The following EPHA3 variants were observed in gnomAD, a reference collection of about 807,000 sequenced individuals.
The protein encoded by EPHA3 is EPH receptor A3.
In EPHA3, 42 loss-of-function variants were observed where a neutral mutation model predicts 107.1. The observed-to-expected ratio is 0.39, with a 90% CI of 0.31 to 0.51. The LOEUF is 0.51. Ranked by LOEUF, EPHA3 falls within the 20% of genes least tolerant of loss-of-function variation. The pLI is 0.78. For missense variants in EPHA3, 1,183 were observed against 1,211.2 expected, an observed-to-expected ratio of 0.98 and a Z score of 0.35; for synonymous variants, 461 against 424.8, an observed-to-expected ratio of 1.09 and a Z score of -1.05.
intron 2 of EPHA3, among the ~76,000 whole-genome samples, chr3:89,134,718 C>T (rs1704277371): frequency 6.6e-6 from 1 of 152,112 alleles, no homozygotes; most frequent in South Asian, 2.1e-4. Context: ...GCCCTTGTCT[C>T]CTGTGCAAAA....
At chr3:89,241,936 C>T (rs1576258279) in intron 3 of EPHA3, among the ~76,000 whole-genome samples, 1 of 152,248 alleles carries the variant, frequency 6.6e-6, no homozygotes, top group East Asian at 1.9e-4. Flanking sequence ...ATTTATAAAA[C>T]CTCAAGCCTT....
intron 3 of EPHA3, among the ~76,000 whole-genome samples, chr3:89,293,721 T>C (rs1460643171): frequency 1.3e-5 from 2 of 152,176 alleles, no homozygotes; most frequent in African/African-American, 4.8e-5. Flanking sequence ...GTGCCTTGCT[T>C]TTCCTTCGTC....
intron 3 of EPHA3, among the ~76,000 whole-genome samples, chr3:89,278,419 A>G (rs1167299435): frequency 6.6e-6 from 1 of 152,124 alleles, no homozygotes; most frequent in East Asian, 1.9e-4. Context: ...TACTAACTTC[A>G]TTAAATGAAA....
At chr3:89,169,118 T>C (rs1358476905) in intron 2 of EPHA3, among the ~76,000 whole-genome samples, 1 of 152,168 alleles carries the variant, frequency 6.6e-6, no homozygotes, top group Non-Finnish European at 1.5e-5. Context: ...CCCATTTAGG[T>C]CACCTGAGTG....
intron 5 of EPHA3, among the ~76,000 whole-genome samples, chr3:89,342,896 A>ACACAC (rs1559654817): frequency 2.3e-5 from 3 of 130,624 alleles, no homozygotes; most frequent in African/African-American, 9.5e-5. Flanking sequence ...CACACACACA[A>ACACAC]ACATTGGAGC....
chr3:89,476,164 T>A (rs1710502642), intron 16 of EPHA3, among the ~76,000 whole-genome samples: 1 of 147,640 alleles, frequency 6.8e-6, no homozygotes, highest in Admixed American at 6.8e-5. Context: ...AATGTTTATA[T>A]ATTGTAGATA....
intron 16 of EPHA3, among the ~76,000 whole-genome samples, chr3:89,475,281 T>C (rs973716517): frequency 2.6e-4 from 40 of 152,216 alleles, no homozygotes; most frequent in African/African-American, 9.6e-4. Flanking sequence ...TTGAATTTGA[T>C]TGCTTTCAGT....
intron 5 of EPHA3, among the ~76,000 whole-genome samples, chr3:89,368,648 C>T (rs1206573417): frequency 6.7e-6 from 1 of 150,140 alleles, no homozygotes; most frequent in Non-Finnish European, 1.5e-5. Flanking sequence ...GATAGATTTC[C>T]CAGCTCATGA....
intron 15 of EPHA3, among the ~76,000 whole-genome samples, chr3:89,459,957 A>AT (rs1298796216): frequency 1.3e-5 from 2 of 152,238 alleles, no homozygotes; most frequent in African/African-American, 4.8e-5. Flanking sequence ...ATACACATTT[A>AT]TTTTTTAAAA....
chr3:89,312,836 T>G, intron 3 of EPHA3, among the ~76,000 whole-genome samples: 1 of 152,020 alleles, frequency 6.6e-6, no homozygotes, highest in Non-Finnish European at 1.5e-5. Context: ...ATATGCGGTG[T>G]TTGGTTTTCT....
At chr3:89,302,993 A>G (rs779209341) in intron 3 of EPHA3, among the ~76,000 whole-genome samples, 7 of 152,096 alleles carry the variant, frequency 4.6e-5, no homozygotes, top group Non-Finnish European at 1.0e-4. Context: ...CCTGAGCTCA[A>G]GTGATCCTTC....
At chr3:89,448,334 A>G (rs539574928) in intron 13 of EPHA3, among the ~76,000 whole-genome samples, 29 of 152,288 alleles carry the variant, frequency 1.9e-4, no homozygotes, top group Middle Eastern at 3.4e-3. Flanking sequence ...TTCGTTCTGT[A>G]TCTAGTTTTT....
At chr3:89,114,551 G>A (rs896915087) in intron 1 of EPHA3, among the ~76,000 whole-genome samples, 1 of 152,166 alleles carries the variant, frequency 6.6e-6, no homozygotes, top group African/African-American at 2.4e-5. Flanking sequence ...AAGTCTCTCC[G>A]CGCCTGGCTG....
chr3:89,415,467 A>AAT (rs71621548), intron 10 of EPHA3, among the ~76,000 whole-genome samples: 12,712 of 131,434 alleles, frequency 0.097, 634 homozygotes, highest in African/African-American at 0.15. Context: ...TTACAGAAAG[A>AAT]ATATATATAT....
chr3:89,272,258 T>C (rs1421028657), intron 3 of EPHA3, among the ~76,000 whole-genome samples: 1 of 150,482 alleles, frequency 6.6e-6, no homozygotes, highest in African/African-American at 2.4e-5. Flanking sequence ...GTACTACCAT[T>C]TTTTTTGTAC....
intron 5 of EPHA3, among the ~76,000 whole-genome samples, chr3:89,383,141 A>G (rs1708544152): frequency 6.6e-6 from 1 of 152,228 alleles, no homozygotes; most frequent in Admixed American, 6.5e-5. Flanking sequence ...ATTTCTAATT[A>G]CTGTAGAGTG....
Position 89,163,325 on chromosome 3 carries a change from T to C in EPHA3, c.153+36052T>C, listed in dbSNP as rs115033036. ...TAATGAGTAATCATAAAATTGATAT[T>C]AACTTGATTAACTTTTAGTTTGATA... On this transcript the variant is annotated intron_variant, in intron 2 of 16. Coordinates refer to ENST00000336596, the MANE Select transcript of EPHA3 (RefSeq NM_005233.6). Among the ~76,000 whole-genome samples the C allele has an allele frequency of 9.0e-3, 1,363 of 152,272 alleles. 11 individuals are homozygous for C. The highest frequency in any genetic ancestry group is 0.026 in the East Asian group (136 of 5,166).
At chr3:89,197,644 G>T (rs1403119610) in intron 2 of EPHA3, among the ~76,000 whole-genome samples, 2 of 152,048 alleles carry the variant, frequency 1.3e-5, no homozygotes, top group Non-Finnish European at 2.9e-5. Flanking sequence ...GTTTAGAAGG[G>T]CAAATTTATC....
chr3:89,217,776 C>CT (rs1016450233), intron 3 of EPHA3, among the ~76,000 whole-genome samples: 59 of 152,082 alleles, frequency 3.9e-4, no homozygotes, highest in African/African-American at 1.3e-3. Context: ...ACAGCTGTGG[C>CT]TTTTTTAACA....
Sources: allele counts gnomAD v4.1 joint callset (sites outside exome capture counted in the v4.1 genomes callset), GRCh38; gene constraint gnomAD v4.1.1; transcripts MANE v1.5; gene names NCBI Gene and HGNC (gene_info 2026-07-23, HGNC 2026-07-21).